BMPER: variants seen among roughly 807,000 people sequenced by gnomAD.
BMPER encodes the protein BMP binding endothelial regulator, also known as BMP-binding endothelial regulator protein.
Under a neutral mutation model 87.3 loss-of-function variants are expected in BMPER, and 45 were observed. That is an observed-to-expected ratio of 0.52 (90% CI 0.41 to 0.66). BMPER has a LOEUF of 0.66. Among genes scored for constraint, BMPER ranks in the 30% least tolerant of loss-of-function variants. The probability of loss-of-function intolerance (pLI) is 0.00; values close to 1 mark genes in which losing one functional copy is unlikely to be tolerated. For synonymous variants in BMPER, 326 were observed against 316.2 expected, an observed-to-expected ratio of 1.03 and a Z score of -0.33; for missense variants, 784 against 867.5, an observed-to-expected ratio of 0.90 and a Z score of 1.21.
intron 5 of BMPER, 132 bp downstream of exon 5, chr7:33,970,551 T>G: frequency 1.1e-6 from 1 of 927,174 alleles, no homozygotes; most frequent in Non-Finnish European, 1.7e-6. Context: ...GAGAGCGAGC[T>G]CCTTTGCATA....
intron 13 of BMPER, among the ~76,000 whole-genome samples, chr7:34,120,484 C>T (rs959964372): frequency 4.6e-5 from 7 of 152,160 alleles, no homozygotes; most frequent in Non-Finnish European, 1.0e-4. Flanking sequence ...CCGCAAGCTC[C>T]TCCTCCCGGG....
At chr7:33,906,267 A>G (rs1227887366) in intron 1 of BMPER, among the ~76,000 whole-genome samples, 1 of 152,244 alleles carries the variant, frequency 6.6e-6, no homozygotes, top group Non-Finnish European at 1.5e-5. Flanking sequence ...TGAAGGACAT[A>G]CTTTACTGAC....
intron 13 of BMPER, among the ~76,000 whole-genome samples, chr7:34,118,738 G>A (rs1488703916): frequency 6.6e-6 from 1 of 152,142 alleles, no homozygotes; most frequent in Non-Finnish European, 1.5e-5. Context: ...TTAATATTTA[G>A]ATTAGCAGAC....
At chr7:34,015,390 A>G (rs1284689657) in intron 6 of BMPER, among the ~76,000 whole-genome samples, 1 of 152,026 alleles carries the variant, frequency 6.6e-6, no homozygotes, top group Non-Finnish European at 1.5e-5. Flanking sequence ...TAAAATGTAT[A>G]AAAGTGAAAA....
intron 13 of BMPER, among the ~76,000 whole-genome samples, chr7:34,087,368 A>C (rs1789243436): frequency 6.6e-6 from 1 of 152,148 alleles, no homozygotes; most frequent in African/African-American, 2.4e-5. Flanking sequence ...ACCTGGCTTT[A>C]TTTGGAATCT....
At chr7:34,103,853 C>T (rs2127983631) in intron 13 of BMPER, among the ~76,000 whole-genome samples, 1 of 152,316 alleles carries the variant, frequency 6.6e-6, no homozygotes. Context: ...GGGTCAAGCT[C>T]ACCCTGGAGG....
chr7:34,072,172 G>T (rs900831588), intron 11 of BMPER, among the ~76,000 whole-genome samples: 2 of 152,196 alleles, frequency 1.3e-5, no homozygotes, highest in Non-Finnish European at 2.9e-5. Context: ...GGATAGTGAG[G>T]ATGAAAGGGG....
intron 7 of BMPER, among the ~76,000 whole-genome samples, chr7:34,047,661 C>T (rs1562709284): frequency 6.6e-6 from 1 of 152,010 alleles, no homozygotes. Flanking sequence ...TGGCTTGAGC[C>T]ACCATGCAAA....
intron 3 of BMPER, among the ~76,000 whole-genome samples, chr7:33,941,098 G>T (rs1784751303): frequency 3.3e-5 from 4 of 122,924 alleles, no homozygotes; most frequent in Admixed American, 9.0e-5. Flanking sequence ...TAATTTATAT[G>T]TAATATATTA....
Position 34,011,941 on chromosome 7 carries a change from A to G in BMPER, c.577-34365A>G, listed in dbSNP as rs990807862. On this transcript the variant is annotated intron_variant, in intron 6 of 14. Transcript: ENST00000649409. The stretch of plus-strand genomic sequence containing the variant: ...GCATTTAATTGAAAAGAAAAATCCC[A>G]AGAATGCATCCAGAGTTGAATGTCA... Among the ~76,000 whole-genome samples the G allele has an allele frequency of 2.0e-5, 3 of 151,958 alleles. No homozygotes were observed. In the East Asian group the frequency reaches 5.8e-4, roughly 29 times the overall value.
intron 3 of BMPER, among the ~76,000 whole-genome samples, chr7:33,963,313 T>C (rs1157726833): frequency 1.3e-5 from 2 of 152,226 alleles, no homozygotes; most frequent in Admixed American, 6.5e-5. Context: ...GGTGCTGGTC[T>C]ACAATAAGTT....
At chr7:34,014,937 T>A (rs1230880501) in intron 6 of BMPER, among the ~76,000 whole-genome samples, 2 of 151,918 alleles carry the variant, frequency 1.3e-5, no homozygotes, top group Non-Finnish European at 2.9e-5. Context: ...TTTGTTTTCT[T>A]ACCTGTAATA....
chr7:34,123,731 A>G (rs1385125087), intron 13 of BMPER, among the ~76,000 whole-genome samples: 2 of 152,228 alleles, frequency 1.3e-5, no homozygotes, highest in Non-Finnish European at 2.9e-5. Flanking sequence ...TTAATCAAAC[A>G]CATTTAGATT....
intron 2 of BMPER, among the ~76,000 whole-genome samples, chr7:33,911,629 C>T (rs1783963461): frequency 6.6e-6 from 1 of 152,188 alleles, no homozygotes; most frequent in South Asian, 2.1e-4. Flanking sequence ...AGACATCAGA[C>T]AGTCTTGGGT....
intron 13 of BMPER, among the ~76,000 whole-genome samples, chr7:34,120,553 C>T (rs1790237749): frequency 6.6e-6 from 1 of 152,164 alleles, no homozygotes; most frequent in South Asian, 2.1e-4. Flanking sequence ...CGTGCACCAT[C>T]ACGCCCGGCT....
At chr7:34,145,842 A>C (rs1791002807) in intron 14 of BMPER, among the ~76,000 whole-genome samples, 1 of 152,110 alleles carries the variant, frequency 6.6e-6, no homozygotes, top group African/African-American at 2.4e-5. Flanking sequence ...AGGACTACAC[A>C]TTTCATGTCA....
intron 6 of BMPER, among the ~76,000 whole-genome samples, chr7:34,032,442 C>T (rs748350650): frequency 2.6e-5 from 4 of 151,964 alleles, no homozygotes; most frequent in East Asian, 1.9e-4. Context: ...GTATAAGTTC[C>T]GCATGCATGG....
chr7:33,986,105 T>A (rs998190045), intron 6 of BMPER, among the ~76,000 whole-genome samples: 9 of 152,254 alleles, frequency 5.9e-5, no homozygotes, highest in African/African-American at 1.9e-4. Context: ...ATTGCGACCT[T>A]CTGTACCTGC....
chr7:34,081,119 A>G (rs1423087302), intron 12 of BMPER, among the ~76,000 whole-genome samples: 1 of 152,180 alleles, frequency 6.6e-6, no homozygotes, highest in Non-Finnish European at 1.5e-5. Flanking sequence ...GAAGAATTCT[A>G]TTCCTCTGGG....
Sources: allele counts gnomAD v4.1 joint callset (sites outside exome capture counted in the v4.1 genomes callset), GRCh38; gene constraint gnomAD v4.1.1; transcripts MANE v1.5; gene names NCBI Gene and HGNC (gene_info 2026-07-23, HGNC 2026-07-21).